COL15A1: variants seen among roughly 807,000 people sequenced by gnomAD.
COL15A1 encodes the protein collagen alpha-1(XV) chain.
A neutral mutation model predicts 165.9 loss-of-function variants in COL15A1; 111 were observed. The ratio of observed to expected loss-of-function variants is 0.67; its 90% CI spans 0.57 to 0.78. The LOEUF is 0.78. Ranked by LOEUF, COL15A1 falls within the 30% of genes least tolerant of loss-of-function variation. The probability of loss-of-function intolerance (pLI) is 0.00; values close to 1 mark genes in which losing one functional copy is unlikely to be tolerated. For missense variants in COL15A1, 1,745 were observed against 1,789.7 expected (o/e 0.98, Z 0.45); for synonymous variants, 659 against 674.8 (o/e 0.98, Z 0.36).
Position 99,024,800 on chromosome 9 carries a change from AT to A in COL15A1, c.1855-72del, listed in dbSNP as rs1255223417. On this transcript the variant is annotated intron_variant, in intron 14 of 41. Coordinates refer to ENST00000375001, the MANE Select transcript of COL15A1 (RefSeq NM_001855.5). ...TAGGATTGTTGAAAGAATTTGAGAG[AT>A]TGCATGAAGCACATACTCAGTATCT... is the stretch of plus-strand genomic sequence containing the variant. 1.3e-5 allele frequency: 20 copies of A among 1,506,418 alleles called. No individual in the cohort carries two copies. In the Middle Eastern group the frequency reaches 5.3e-4, roughly 40 times the overall value. 93.3% of individuals were successfully genotyped at this position (1,506,418 alleles called of 1,614,324 possible).
chr9:99,048,079 G>A (rs1435236211), intron 28 of COL15A1, 79 bp downstream of exon 28: 11 of 795,684 alleles, frequency 1.4e-5, no homozygotes, highest in Admixed American at 4.0e-5. Context: ...AGCAGGGCCT[G>A]TGGACTGAAT....
At chr9:98,983,367 C>T (rs958096463) in intron 2 of COL15A1, among the ~76,000 whole-genome samples, 1 of 152,166 alleles carries the variant, frequency 6.6e-6, no homozygotes, top group Admixed American at 6.5e-5. Flanking sequence ...TGGAGCCCCA[C>T]CCGCAACCCC....
At chr9:99,021,651 G>A (rs1486768289) in intron 12 of COL15A1, among the ~76,000 whole-genome samples, 3 of 152,192 alleles carry the variant, frequency 2.0e-5, no homozygotes, top group African/African-American at 4.8e-5. Flanking sequence ...GCCCTTGAGG[G>A]GCACATGGTC....
intron 39 of COL15A1, among the ~76,000 whole-genome samples, chr9:99,065,417 G>T (rs184512241): frequency 6.6e-6 from 1 of 152,010 alleles, no homozygotes; most frequent in Non-Finnish European, 1.5e-5. Context: ...GGAAGAAGAC[G>T]GGGGGTGGGG....
At chr9:98,969,718 C>A (rs1838015234) in intron 2 of COL15A1, among the ~76,000 whole-genome samples, 1 of 152,212 alleles carries the variant, frequency 6.6e-6, no homozygotes. Context: ...TAAGGGTGTG[C>A]TTCCTGGAGT....
At chr9:99,049,300 A>G (rs1365755272) in intron 28 of COL15A1, among the ~76,000 whole-genome samples, 3 of 152,228 alleles carry the variant, frequency 2.0e-5, no homozygotes, top group South Asian at 2.1e-4. Context: ...GGACCCCCAC[A>G]GTCCATTCCC....
intron 34 of COL15A1, 109 bp downstream of exon 34, chr9:99,055,481 C>T (rs1303233574): frequency 4.3e-6 from 3 of 691,934 alleles, no homozygotes; most frequent in African/African-American, 3.6e-5. Flanking sequence ...AAGCTGGAGG[C>T]AGAGCTTGGG....
chr9:99,047,654 TG>T, intron 26 of COL15A1, 131 bp from the exon 27 acceptor site: 1 of 909,964 alleles, frequency 1.1e-6, no homozygotes, highest in Non-Finnish European at 1.8e-6. Flanking sequence ...GGCTTCTACC[TG>T]GCTCCCTGCC....
chr9:98,995,103 C>T (rs1838521014), intron 5 of COL15A1, among the ~76,000 whole-genome samples: 1 of 152,188 alleles, frequency 6.6e-6, no homozygotes, highest in Admixed American at 6.5e-5. Context: ...GATGAGCATT[C>T]AGGGGCTTGA....
chr9:99,049,993 T>C (rs992860986), intron 30 of COL15A1, 98 bp downstream of exon 30: 6 of 1,520,516 alleles, frequency 3.9e-6, no homozygotes, highest in Non-Finnish European at 4.5e-6. Flanking sequence ...TATCCTCAAA[T>C]GTCCTCTCTG....
At chr9:98,996,889 T>C in intron 5 of COL15A1, 45 bp from the exon 6 acceptor site, 1 of 1,606,428 alleles carries the variant, frequency 6.2e-7, no homozygotes. Context: ...TCTTCTGCTT[T>C]ACTGCCAAGT....
intron 2 of COL15A1, among the ~76,000 whole-genome samples, chr9:98,975,156 T>C (rs143960187): frequency 0.01 from 1,595 of 152,362 alleles, 10 homozygotes; most frequent in South Asian, 0.023. Context: ...TCCGGACATA[T>C]CCGCAGCGCT....
intron 30 of COL15A1, among the ~76,000 whole-genome samples, chr9:99,051,204 A>G (rs1039171575): frequency 1.3e-5 from 2 of 152,192 alleles, no homozygotes; most frequent in African/African-American, 4.8e-5. Context: ...CAGGCCTCAA[A>G]TGAGCCAGCC....
chr9:99,057,111 G>A (rs773441964), intron 35 of COL15A1, among the ~76,000 whole-genome samples: 1 of 152,150 alleles, frequency 6.6e-6, no homozygotes, highest in Non-Finnish European at 1.5e-5. Flanking sequence ...AACTTTTTGA[G>A]GAACTGCCAG....
At chr9:99,027,263 T>C (rs780468199) in intron 16 of COL15A1, among the ~76,000 whole-genome samples, 2 of 152,196 alleles carry the variant, frequency 1.3e-5, no homozygotes, top group Non-Finnish European at 2.9e-5. Flanking sequence ...AAGTGGGGCC[T>C]TCTGTGAACC....
At chr9:98,991,351 G>A (rs1671886998) in intron 5 of COL15A1, among the ~76,000 whole-genome samples, 1 of 152,192 alleles carries the variant, frequency 6.6e-6, no homozygotes, top group African/African-American at 2.4e-5. Flanking sequence ...ACAGAGAGCT[G>A]ATTGGTCCAT....
intron 2 of COL15A1, among the ~76,000 whole-genome samples, chr9:98,983,475 T>C (rs1010090272): frequency 5.3e-5 from 8 of 152,196 alleles, no homozygotes; most frequent in Non-Finnish European, 8.8e-5. Flanking sequence ...ACCAGCTGCA[T>C]AACCTCGGGC....
intron 36 of COL15A1, among the ~76,000 whole-genome samples, chr9:99,060,709 G>A (rs959891511): frequency 6.6e-6 from 1 of 152,080 alleles, no homozygotes; most frequent in Non-Finnish European, 1.5e-5. Context: ...AACATAGTGA[G>A]ATCCTGCCTC....
chr9:99,027,083 G>C (rs1361733983), intron 16 of COL15A1, among the ~76,000 whole-genome samples: 1 of 152,190 alleles, frequency 6.6e-6, no homozygotes, highest in Non-Finnish European at 1.5e-5. Context: ...GCTACCTGGG[G>C]CGTGTATGTG....
Sources: allele counts gnomAD v4.1 joint callset (sites outside exome capture counted in the v4.1 genomes callset), GRCh38; gene constraint gnomAD v4.1.1; transcripts MANE v1.5; gene names NCBI Gene and HGNC (gene_info 2026-07-23, HGNC 2026-07-21).